The following KIF21A variants were observed in gnomAD, a reference collection of about 807,000 sequenced individuals.
The protein encoded by KIF21A is kinesin-like protein KIF21A.
Under a neutral mutation model 202.9 loss-of-function variants are expected in KIF21A, and 114 were observed. The ratio of observed to expected loss-of-function variants is 0.56; its 90% CI spans 0.48 to 0.66. The LOEUF (loss-of-function observed/expected upper bound fraction) is 0.66. Among genes scored for constraint, KIF21A ranks in the 30% least tolerant of loss-of-function variants. The pLI is 0.00. For synonymous variants in KIF21A, 667 were observed against 670.8 expected (o/e 0.99, Z 0.09); for missense variants, 1,677 against 1,994.9 (o/e 0.84, Z 3.04).
intron 1 of KIF21A, among the ~76,000 whole-genome samples, chr12:39,389,179 T>TACACACACACACACAC (rs10632410): frequency 7.0e-6 from 1 of 142,088 alleles, no homozygotes; most frequent in African/African-American, 2.5e-5. Context: ...TAAATACACA[T>TACACACACACACACAC]ACACACACAC....
intron 1 of KIF21A, among the ~76,000 whole-genome samples, chr12:39,399,620 T>C (rs1952015516): frequency 6.6e-6 from 1 of 152,236 alleles, no homozygotes; most frequent in Non-Finnish European, 1.5e-5. Context: ...GGTCTTAATT[T>C]GGTTATCCCA....
chr12:39,322,353 AGG>A (rs1160709418), intron 27 of KIF21A: 1 of 221,542 alleles, frequency 4.5e-6, no homozygotes, highest in African/African-American at 2.4e-5. Flanking sequence ...ATGGTTTTAT[AGG>A]TATAACTTTA....
chr12:39,363,172 G>C lies in KIF21A; in HGVS notation c.945C>G (p.Ser315Arg). The C allele has an allele frequency of 5.6e-6, 9 of 1,613,176 alleles. No individual in the cohort carries two copies. The highest frequency in any genetic ancestry group is 7.6e-6 in the Non-Finnish European group (9 of 1,179,420). Reference protein sequence around the residue: ...GNVISALGDKSKRATHVPYRD... With the variant: ...GNVISALGDKRKRATHVPYRD... ...TATAGGGGACATGTGTGGCCCTCTT[G>C]CTCTTGTCTCCCAAGGCACTTATTA... Residue 315 changes from serine to arginine, a missense_variant, in exon 7 of 38, where the codon AGC becomes AGG. Transcript: ENST00000361418.
At chr12:39,367,274 T>C (rs1592367298) in intron 4 of KIF21A, 110 bp from the exon 5 acceptor site, 2 of 1,162,492 alleles carry the variant, frequency 1.7e-6, no homozygotes, top group East Asian at 4.9e-5. Context: ...ATATAAAAGA[T>C]GTGGAATTTC....
chr12:39,396,579 T>G (rs771269337), intron 1 of KIF21A, among the ~76,000 whole-genome samples: 9 of 152,206 alleles, frequency 5.9e-5, no homozygotes, highest in Non-Finnish European at 1.0e-4. Context: ...TACACACGTA[T>G]ATATACTTGC....
At chr12:39,422,450 C>G (rs1277648365) in intron 1 of KIF21A, among the ~76,000 whole-genome samples, 1 of 152,158 alleles carries the variant, frequency 6.6e-6, no homozygotes, top group Non-Finnish European at 1.5e-5. Context: ...CCTTGAATTT[C>G]AGGGCCAGAA....
intron 7 of KIF21A, among the ~76,000 whole-genome samples, chr12:39,359,630 G>C (rs543263386): frequency 2.0e-5 from 3 of 152,146 alleles, no homozygotes; most frequent in East Asian, 3.8e-4. Flanking sequence ...TTCAGTAAGC[G>C]TGAGGATTAT....
intron 32 of KIF21A, among the ~76,000 whole-genome samples, chr12:39,311,097 T>A (rs1386398753): frequency 6.6e-6 from 1 of 151,968 alleles, no homozygotes; most frequent in African/African-American, 2.4e-5. Context: ...TTATTCTCTT[T>A]CCCATATTGT....
At chr12:39,330,307 T>A (rs1946402566) in intron 23 of KIF21A, 45 bp from the exon 24 acceptor site, 1 of 1,557,772 alleles carries the variant, frequency 6.4e-7, no homozygotes, top group African/African-American at 1.4e-5. Flanking sequence ...AATACTCCAA[T>A]CAAAACAGAT....
At chr12:39,397,147 T>A (rs1455139873) in intron 1 of KIF21A, among the ~76,000 whole-genome samples, 1 of 152,246 alleles carries the variant, frequency 6.6e-6, no homozygotes, top group African/African-American at 2.4e-5. Context: ...ACTAAATTAC[T>A]GAACTATATA....
chr12:39,302,426 A>T (rs1321111362), intron 36 of KIF21A, among the ~76,000 whole-genome samples: 2 of 152,212 alleles, frequency 1.3e-5, no homozygotes, highest in African/African-American at 2.4e-5. Context: ...CTTGAAAAGA[A>T]TTTCATCTGT....
In KIF21A at chr12:39,415,544, G is replaced by A. The variant is rs560993852; in HGVS notation, c.44+27383C>T. Among the ~76,000 whole-genome samples, 13 of 152,104 alleles carry A rather than the reference G, an allele frequency of 8.5e-5. 1 individual carries two copies. Among genetic ancestry groups the A allele is most frequent in the African/African-American group, 2.9e-4 (12 of 41,478 alleles). Reference sequence around the variant, plus strand: ...AGTGCTGGGATTACAGGCGTGAGCCGCCGCGCCCGGCCGAGAATGCTTCTT... The same window carrying A: ...AGTGCTGGGATTACAGGCGTGAGCCACCGCGCCCGGCCGAGAATGCTTCTT... On this transcript the variant is annotated intron_variant, in intron 1 of 37. Transcript: ENST00000361418.
intron 1 of KIF21A, among the ~76,000 whole-genome samples, chr12:39,421,305 C>T (rs1954234464): frequency 1.3e-5 from 2 of 152,124 alleles, no homozygotes; most frequent in African/African-American, 2.4e-5. Flanking sequence ...TTCACACAAC[C>T]GCAAAATTGC....
intron 6 of KIF21A, among the ~76,000 whole-genome samples, chr12:39,363,653 T>A (rs57196300): frequency 0.11 from 17,262 of 152,238 alleles, 993 homozygotes; most frequent in East Asian, 0.14. Flanking sequence ...CCTTCTTTAA[T>A]CACAACAAAA....
In KIF21A at chr12:39,410,039, C is replaced by T. The variant is rs1035655222; in HGVS notation, c.44+32888G>A. On this transcript the variant is annotated intron_variant, in intron 1 of 37. Transcript: ENST00000361418. ...ACAGACAAGGTTTCACCATGTTGGC[C>T]AGGCTGGTCTTGAACTCCTGACCTC... Among the ~76,000 whole-genome samples, 18 of 152,198 alleles carry T rather than the reference C, an allele frequency of 1.2e-4. No homozygotes were observed. The East Asian group carries it at 3.5e-3, about 29-fold the overall frequency.
At position 39,326,430 on chromosome 12, in the gene KIF21A, G is replaced by C. The variant is rs921353121; in HGVS notation, c.3341-106C>G. The C allele has an allele frequency of 1.7e-4, 128 of 760,940 alleles. 5 individuals are homozygous for C. The highest frequency in any genetic ancestry group is 1.5e-3 in the South Asian group (102 of 69,116). The allele number at this position is 760,940 out of a possible 1,614,324, so 47.1% of individuals were successfully genotyped here. A position where few individuals can be genotyped will look rare whatever the true frequency, so the allele number is the denominator to read the frequency against. On this transcript the variant is annotated intron_variant, in intron 24 of 37. Coordinates refer to ENST00000361418, the MANE Select transcript of KIF21A (RefSeq NM_001173464.2). ...ACAACAGCTCAACATCTCAATATGGGCACGATGGTTTTAGTAGCTGAATCT... is the reference window on the plus strand; with the variant it reads ...ACAACAGCTCAACATCTCAATATGGCCACGATGGTTTTAGTAGCTGAATCT...
chr12:39,332,538 G>T (rs1312251261), intron 20 of KIF21A, 53 bp downstream of exon 20: 2 of 1,436,850 alleles, frequency 1.4e-6, no homozygotes, highest in African/African-American at 3.2e-5. Flanking sequence ...AATTGGAAGA[G>T]TAAAATTAAC....
Position 39,319,997 on chromosome 12 carries a change from G to C in KIF21A, c.3688C>G (p.Leu1230Val), listed in dbSNP as rs780767170. Residue 1230 changes from leucine (L) to valine (V), a missense_variant, in exon 28 of 38, where the codon CTA becomes GTA. Around this residue, in one of 3 missense-constraint regions of KIF21A, gnomAD observed 705 missense variants for 791.9 expected, o/e 0.89. Coordinates refer to ENST00000361418, the MANE Select transcript of KIF21A (RefSeq NM_001173464.2). ...KIGSISRQSS[L>V]SEKKIPEPSP... is the part of the protein sequence containing the mutation. ...GGCTCTGGAATTTTTTTTTCTGATA[G>C]AGATGACTGCCTGGAACTAAAGTAA... is the stretch of plus-strand genomic sequence containing the variant. 6 of 1,596,656 alleles carry C rather than the reference G, an allele frequency of 3.8e-6. No individual in the cohort carries two copies. The highest frequency in any genetic ancestry group is 5.1e-6 in the Non-Finnish European group (6 of 1,166,380).
chr12:39,339,667 A>G (rs527522694), intron 16 of KIF21A, among the ~76,000 whole-genome samples: 2 of 152,264 alleles, frequency 1.3e-5, no homozygotes, highest in African/African-American at 4.8e-5. Context: ...GGATTTGCAC[A>G]CTCTCTTTGG....
Sources: gnomAD v4.1 joint callset for allele counts (sites outside exome capture counted in the v4.1 genomes callset) on GRCh38, gnomAD v4.1.1 for gene constraint, gnomAD v4.1.1 regional missense constraint, MANE v1.5 for transcripts, NCBI Gene and HGNC (gene_info 2026-07-23, HGNC 2026-07-21) for gene names.